Variants in PHF14 observed in about 807,000 individuals in gnomAD.
PHF14 encodes the protein PHD finger protein 14.
Under a neutral mutation model 117.9 loss-of-function variants are expected in PHF14, and 55 were observed. The ratio of observed to expected loss-of-function variants is 0.47; its 90% CI spans 0.38 to 0.58. The LOEUF (loss-of-function observed/expected upper bound fraction) is 0.58, where lower values mean the gene tolerates loss of function less well. Among genes scored for constraint, PHF14 ranks in the 20% least tolerant of loss-of-function variants. The pLI is 0.00. For synonymous variants in PHF14, 409 were observed against 368.6 expected, an observed-to-expected ratio of 1.11 and a Z score of -1.26; for missense variants, 978 against 1,122.2, an observed-to-expected ratio of 0.87 and a Z score of 1.84.
intron 16 of PHF14, chr7:11,062,359 A>G (rs1321777896): frequency 1.4e-5 from 3 of 221,404 alleles, no homozygotes; most frequent in African/African-American, 6.8e-5. Context: ...CTCTCTATTT[A>G]GAGGCCATGA....
intron 4 of PHF14, among the ~76,000 whole-genome samples, chr7:11,000,668 G>T (rs974679315): frequency 1.3e-5 from 2 of 152,112 alleles, no homozygotes; most frequent in Non-Finnish European, 2.9e-5. Flanking sequence ...CTTCTTGGAT[G>T]AGGTGTCTAT....
intron 16 of PHF14, chr7:11,104,103 G>T (rs1787178879): frequency 1.0e-6 from 1 of 984,810 alleles, no homozygotes; most frequent in African/African-American, 1.7e-5. Flanking sequence ...ATTACTCGCA[G>T]TTGCTTTATT....
chr7:11,038,762 A>T lies in PHF14; in HGVS notation c.1983A>T (p.Leu661=), dbSNP rs1420044829. ...QEKLHVEYNK[L]CESLEELQNL... ...TACTAATTTGGCTTACTTTGTAGCT[A>T]TGTGAATCTTTAGAAGAACTACAAA... The change falls in exon 11 of 18, where the codon CTA becomes CTT. Residue 661 remains leucine, a splice_region_variant and synonymous_variant. Transcript: ENST00000634607. The T allele has an allele frequency of 1.3e-6, 2 of 1,509,526 alleles. No homozygotes were observed. The highest frequency in any genetic ancestry group is 2.3e-5 in the East Asian group (1 of 43,064). The allele number at this position is 1,509,526 out of a possible 1,614,324, so 93.5% of individuals were successfully genotyped here. A position where few individuals can be genotyped will look rare whatever the true frequency, so the allele number is the denominator to read the frequency against.
intron 4 of PHF14, among the ~76,000 whole-genome samples, chr7:11,007,235 T>C (rs766316879): frequency 2.0e-5 from 3 of 152,136 alleles, no homozygotes; most frequent in South Asian, 4.1e-4. Flanking sequence ...GTTATTAGGT[T>C]CTCTTTTTTT....
At chr7:11,162,408 C>T (rs1778663565) in intron 17 of PHF14, among the ~76,000 whole-genome samples, 1 of 152,004 alleles carries the variant, frequency 6.6e-6, no homozygotes, top group South Asian at 2.1e-4. Context: ...TAAACACCTA[C>T]AAATATTCAT....
intron 11 of PHF14, among the ~76,000 whole-genome samples, chr7:11,040,004 T>C (rs752510272): frequency 4.6e-5 from 7 of 152,206 alleles, no homozygotes; most frequent in Non-Finnish European, 8.8e-5. Flanking sequence ...TAAAATACTA[T>C]CTACCATAAA....
intron 16 of PHF14, among the ~76,000 whole-genome samples, chr7:11,097,935 G>A (rs1786939089): frequency 6.6e-6 from 1 of 152,008 alleles, no homozygotes; most frequent in Non-Finnish European, 1.5e-5. Flanking sequence ...GTGTGTGTAT[G>A]TGTGTGTGTA....
At chr7:11,064,434 TACTC>T (rs1157698523) in intron 16 of PHF14, among the ~76,000 whole-genome samples, 1 of 151,958 alleles carries the variant, frequency 6.6e-6, no homozygotes, top group East Asian at 1.9e-4. Flanking sequence ...TTTCAGCGCT[TACTC>T]AGACATACGT....
intron 17 of PHF14, among the ~76,000 whole-genome samples, chr7:11,140,787 G>C (rs932453214): frequency 6.6e-6 from 1 of 152,006 alleles, no homozygotes; most frequent in Admixed American, 6.6e-5. Context: ...CAGTAGAATG[G>C]CAGTAGAATG....
intron 10 of PHF14, among the ~76,000 whole-genome samples, 188 bp from the exon 11 acceptor site, chr7:11,038,572 C>T (rs1169063875): frequency 6.6e-6 from 1 of 151,130 alleles, no homozygotes; most frequent in Non-Finnish European, 1.5e-5. Flanking sequence ...GCAGGAGAAT[C>T]GCTTGAACCC....
chr7:11,152,149 GAAT>G (rs149666604), intron 17 of PHF14, among the ~76,000 whole-genome samples: 12,068 of 152,146 alleles, frequency 0.079, 513 homozygotes, highest in African/African-American at 0.11. Context: ...TAAGATAACT[GAAT>G]AATAATCTGG....
chr7:11,142,556 C>T (rs1035743398), intron 17 of PHF14, among the ~76,000 whole-genome samples: 14 of 151,996 alleles, frequency 9.2e-5, no homozygotes, highest in African/African-American at 3.4e-4. Flanking sequence ...TCAGCATTTT[C>T]CTTCTTGAAA....
intron 17 of PHF14, among the ~76,000 whole-genome samples, chr7:11,112,415 C>G (rs1365729802): frequency 6.6e-6 from 1 of 152,108 alleles, no homozygotes; most frequent in East Asian, 1.9e-4. Context: ...TTATTAAAAA[C>G]TGCAAAAAGA....
At chr7:11,136,766 T>C (rs1378152259) in intron 17 of PHF14, among the ~76,000 whole-genome samples, 3 of 152,078 alleles carry the variant, frequency 2.0e-5, no homozygotes, top group Admixed American at 1.3e-4. Context: ...GACCAAGAAA[T>C]TCTGTAGTTT....
intron 16 of PHF14, chr7:11,106,575 A>T: frequency 1.0e-6 from 1 of 984,268 alleles, no homozygotes; most frequent in Non-Finnish European, 1.2e-6. Context: ...GATTTAACTC[A>T]TTGACCACAA....
intron 16 of PHF14, among the ~76,000 whole-genome samples, chr7:11,068,305 G>A (rs966489000): frequency 2.4e-5 from 3 of 126,992 alleles, no homozygotes; most frequent in African/African-American, 6.1e-5. Context: ...AGCCAAGATC[G>A]CACCACTGCA....
rs543633062 is a variant in PHF14, at chr7:11,021,809, T to A, written c.1206-1059T>A. ...TTCCCCAATAAAAAAGATAATTTTT[T>A]AAAAAGATTTAGAACTATTTTTCCC... On this transcript the variant is annotated intron_variant, in intron 5 of 17. Transcript: ENST00000634607. Among the ~76,000 whole-genome samples, 14 of 152,298 alleles carry A rather than the reference T, an allele frequency of 9.2e-5. No homozygotes were observed. The East Asian group carries it at 1.5e-3, about 17-fold the overall frequency.
At chr7:11,151,990 A>C (rs6955289) in intron 17 of PHF14, among the ~76,000 whole-genome samples, 3,063 of 152,248 alleles carry the variant, frequency 0.02, 101 homozygotes, top group African/African-American at 0.07. Context: ...ATAAATCCTA[A>C]ATATTTTCAG....
In PHF14 at chr7:11,111,070, A is replaced by T. The variant is rs141459451; in HGVS notation, c.2655-280A>T. The T allele has an allele frequency of 3.7e-3, 960 of 260,456 alleles. 10 individuals are homozygous for T. Among genetic ancestry groups the T allele is most frequent in the African/African-American group, 0.02 (908 of 44,900 alleles). 16.1% of individuals were successfully genotyped at this position (260,456 alleles called of 1,614,324 possible). On this transcript the variant is annotated intron_variant, in intron 16 of 17. Transcript: ENST00000634607. Reference sequence around the variant, plus strand: ...GTTTTGAACACATGATTATACATATACGTTCATTCATATGCTCTTAATATT... The same window carrying T: ...GTTTTGAACACATGATTATACATATTCGTTCATTCATATGCTCTTAATATT...
Sources: allele counts gnomAD v4.1 joint callset (sites outside exome capture counted in the v4.1 genomes callset), GRCh38; gene constraint gnomAD v4.1.1; transcripts MANE v1.5; gene names NCBI Gene and HGNC (gene_info 2026-07-23, HGNC 2026-07-21).